The following WFDC1 variants were observed in gnomAD, a reference collection of about 807,000 sequenced individuals.
WFDC1 encodes WAP four-disulfide core domain 1.
WFDC1 carries 39 observed loss-of-function variants against 32.9 expected under a neutral mutation model. That is an observed-to-expected ratio of 1.19 (90% confidence interval 0.92 to 1.55). WFDC1 has a LOEUF of 1.55. Ranked by LOEUF, WFDC1 falls within the 40% of genes most tolerant of loss-of-function variation. WFDC1 has a pLI of 0.00. For synonymous variants in WFDC1, 184 were observed against 137.4 expected (o/e 1.34, Z -2.37); for missense variants, 386 against 309.5 (o/e 1.25, Z -1.85).
At chr16:84,317,521 C>A (rs1034018807) in intron 2 of WFDC1, 1 of 151,962 alleles carries the variant, frequency 6.6e-6, no homozygotes, top group Non-Finnish European at 1.5e-5. Flanking sequence ...TTTGAGTTTT[C>A]GACCCCTGCC....
At chr16:84,298,647 G>A (rs967209066) in intron 1 of WFDC1, among the ~76,000 whole-genome samples, 7 of 152,200 alleles carry the variant, frequency 4.6e-5, no homozygotes, top group African/African-American at 1.4e-4. Flanking sequence ...TCCTGACCAA[G>A]CGCAGGGCTG....
chr16:84,328,693 T>C (rs1908746282), intron 6 of WFDC1: 1 of 152,080 alleles, frequency 6.6e-6, no homozygotes, highest in Non-Finnish European at 1.5e-5. Flanking sequence ...GCCTGTAATC[T>C]CAACATTTTG....
chr16:84,308,698 G>C (rs554801093), intron 1 of WFDC1, among the ~76,000 whole-genome samples: 107 of 151,822 alleles, frequency 7.0e-4, no homozygotes, highest in South Asian at 3.3e-3. Context: ...CGCCATCCTT[G>C]GTGTAGATGC....
chr16:84,306,425 G>A (rs1169373243), intron 1 of WFDC1, among the ~76,000 whole-genome samples: 3 of 152,166 alleles, frequency 2.0e-5, no homozygotes, highest in Admixed American at 2.0e-4. Context: ...AACAGTGTGC[G>A]GAAGCCTCCA....
At chr16:84,310,429 C>G (rs1415395074) in intron 1 of WFDC1, among the ~76,000 whole-genome samples, 1 of 152,106 alleles carries the variant, frequency 6.6e-6, no homozygotes, top group Non-Finnish European at 1.5e-5. Context: ...TGAGTCAAGT[C>G]TAGATTAAGC....
intron 1 of WFDC1, 91 bp from the exon 2 acceptor site, chr16:84,312,870 C>T: frequency 1.2e-6 from 1 of 806,932 alleles, no homozygotes; most frequent in Non-Finnish European, 1.6e-6. Flanking sequence ...TCAGAGAGGC[C>T]CGGCGCACTG....
intron 1 of WFDC1, among the ~76,000 whole-genome samples, chr16:84,298,576 G>A (rs1463524164): frequency 6.6e-6 from 1 of 152,170 alleles, no homozygotes; most frequent in African/African-American, 2.4e-5. Flanking sequence ...AATCAACCAT[G>A]CTGGGAGTAT....
At chr16:84,321,398 G>T (rs2151379157) in intron 4 of WFDC1, among the ~76,000 whole-genome samples, 1 of 152,358 alleles carries the variant, frequency 6.6e-6, no homozygotes, top group South Asian at 2.1e-4. Flanking sequence ...GGGCCTGCCA[G>T]CCACTGTGAG....
At chr16:84,298,042 C>G (rs1022279458) in intron 1 of WFDC1, among the ~76,000 whole-genome samples, 5 of 152,144 alleles carry the variant, frequency 3.3e-5, no homozygotes, top group East Asian at 1.9e-4. Context: ...GCTTGCACCC[C>G]CTCTGGAGAG....
intron 3 of WFDC1, chr16:84,319,063 T>G: frequency 3.3e-6 from 1 of 305,704 alleles, no homozygotes. Flanking sequence ...TGTCTGTGTG[T>G]ATTTGTGCGT....
chr16:84,305,047 T>G (rs943044069), intron 1 of WFDC1, among the ~76,000 whole-genome samples: 1 of 149,524 alleles, frequency 6.7e-6, no homozygotes, highest in African/African-American at 2.6e-5. Flanking sequence ...TCTCAGCTGC[T>G]TGCTCTTGGG....
intron 6 of WFDC1, chr16:84,327,464 G>T (rs988198060): frequency 6.5e-6 from 1 of 154,656 alleles, no homozygotes; most frequent in African/African-American, 2.4e-5. Context: ...CTCCCAAAGT[G>T]CTGGGATTGC....
intron 1 of WFDC1, among the ~76,000 whole-genome samples, chr16:84,307,868 C>T (rs1490628401): frequency 6.6e-6 from 1 of 152,116 alleles, no homozygotes; most frequent in Non-Finnish European, 1.5e-5. Context: ...TATGCACCTG[C>T]TGCGGCTGGA....
chr16:84,294,900 CA>C lies in WFDC1; in HGVS notation c.-71del. 1 of 1,563,090 alleles carries C rather than the reference CA, an allele frequency of 6.4e-7. No individual in the cohort carries two copies. The highest frequency in any genetic ancestry group is 8.7e-7 in the Non-Finnish European group (1 of 1,155,548). ...AGCAGACTGTGCACGCTCCTGTCCC[CA>C]CTCACAGGCCCACGCAGCGAGGGGG... On this transcript the variant is annotated 5_prime_UTR_variant, in exon 1 of 7. Coordinates refer to ENST00000219454, the MANE Select transcript of WFDC1 (RefSeq NM_021197.4).
intron 1 of WFDC1, among the ~76,000 whole-genome samples, chr16:84,303,002 C>G (rs962219068): frequency 2.7e-5 from 4 of 150,378 alleles, no homozygotes; most frequent in Non-Finnish European, 5.9e-5. Flanking sequence ...ACTTTGCCGT[C>G]TCGTGAATTT....
At chr16:84,308,338 G>T (rs888153074) in intron 1 of WFDC1, among the ~76,000 whole-genome samples, 1 of 152,172 alleles carries the variant, frequency 6.6e-6, no homozygotes, top group Non-Finnish European at 1.5e-5. Context: ...TGGTGACACC[G>T]TGTGCAATTT....
chr16:84,319,291 C>G, intron 3 of WFDC1, 140 bp from the exon 4 acceptor site: 2 of 1,190,202 alleles, frequency 1.7e-6, no homozygotes, highest in South Asian at 1.6e-5. Flanking sequence ...AGCCTGGAAC[C>G]TGGGGTACAG....
intron 4 of WFDC1, among the ~76,000 whole-genome samples, chr16:84,321,481 T>C (rs1267333084): frequency 6.6e-6 from 1 of 152,228 alleles, no homozygotes; most frequent in African/African-American, 2.4e-5. Context: ...CGTTGGGCTA[T>C]GCCACCATTT....
At chr16:84,308,788 A>T (rs1221374436) in intron 1 of WFDC1, among the ~76,000 whole-genome samples, 1 of 147,884 alleles carries the variant, frequency 6.8e-6, no homozygotes, top group African/African-American at 2.5e-5. Context: ...CGCCATGCTG[A>T]GTGTAGACGC....
Sources: gnomAD v4.1 joint callset for allele counts (sites outside exome capture counted in the v4.1 genomes callset) on GRCh38, gnomAD v4.1.1 for gene constraint, MANE v1.5 for transcripts, NCBI Gene and HGNC (gene_info 2026-07-23, HGNC 2026-07-21) for gene names.